Variants in EPB41L4A observed in about 807,000 individuals in gnomAD.
EPB41L4A encodes erythrocyte membrane protein band 4.1 like 4A.
A neutral mutation model predicts 108.6 loss-of-function variants in EPB41L4A; 100 were observed. The observed-to-expected ratio is 0.92, with a 90% CI of 0.78 to 1.09. EPB41L4A has a LOEUF of 1.09. Among genes scored for constraint, EPB41L4A ranks in the 50% least tolerant of loss-of-function variants. EPB41L4A has a pLI of 0.00. For synonymous variants in EPB41L4A, 319 were observed against 289.0 expected (o/e 1.10, Z -1.05); for missense variants, 1,030 against 842.7 (o/e 1.22, Z -2.75).
intron 18 of EPB41L4A, among the ~76,000 whole-genome samples, chr5:112,176,038 C>G (rs531801762): frequency 6.6e-6 from 1 of 152,250 alleles, no homozygotes; most frequent in South Asian, 2.1e-4. Context: ...CTCTTCATTT[C>G]TCACCACCTC....
chr5:112,289,296 T>C (rs1753494945), intron 2 of EPB41L4A, among the ~76,000 whole-genome samples: 1 of 152,144 alleles, frequency 6.6e-6, no homozygotes, highest in South Asian at 2.1e-4. Flanking sequence ...AGCAACTTCA[T>C]AATATTTGCA....
At chr5:112,154,137 C>T (rs1759569268) in intron 12 of EPB41L4A, among the ~76,000 whole-genome samples, 1 of 152,076 alleles carries the variant, frequency 6.6e-6, no homozygotes, top group Non-Finnish European at 1.5e-5. Flanking sequence ...TATAAACTGG[C>T]TAATTTAAAC....
chr5:112,208,855 T>A (rs1039339848), intron 13 of EPB41L4A, among the ~76,000 whole-genome samples: 2 of 152,196 alleles, frequency 1.3e-5, no homozygotes, highest in Non-Finnish European at 2.9e-5. Flanking sequence ...ACCCTGTACA[T>A]ACAGATGAAG....
intron 1 of EPB41L4A, among the ~76,000 whole-genome samples, chr5:112,394,319 A>G (rs888544377): frequency 4.2e-4 from 64 of 152,296 alleles, no homozygotes; most frequent in African/African-American, 1.4e-3. Context: ...TGCAGATGAC[A>G]TGATTGTATA....
At chr5:112,406,611 G>A (rs1194886272) in intron 1 of EPB41L4A, among the ~76,000 whole-genome samples, 3 of 152,074 alleles carry the variant, frequency 2.0e-5, no homozygotes, top group African/African-American at 7.2e-5. Flanking sequence ...AGAGGCCTGA[G>A]ATGGCTTAAT....
intron 18 of EPB41L4A, among the ~76,000 whole-genome samples, chr5:112,181,057 T>C (rs1761120887): frequency 1.3e-5 from 2 of 152,178 alleles, no homozygotes; most frequent in Non-Finnish European, 1.5e-5. Flanking sequence ...CAAACTCAAA[T>C]ACTAACAAGA....
intron 13 of EPB41L4A, chr5:112,143,914 C>G (rs1199573902): frequency 4.4e-6 from 2 of 453,028 alleles, no homozygotes; most frequent in Admixed American, 4.7e-5. Context: ...GAAATGTGCT[C>G]AGTTGCCAAA....
chr5:112,400,629 G>T (rs965315822), intron 1 of EPB41L4A, among the ~76,000 whole-genome samples: 1 of 152,110 alleles, frequency 6.6e-6, no homozygotes, highest in Non-Finnish European at 1.5e-5. Context: ...ACAGGACCAA[G>T]CCATGAGGGA....
chr5:112,289,675 G>T (rs2150530847), intron 2 of EPB41L4A, among the ~76,000 whole-genome samples: 1 of 152,308 alleles, frequency 6.6e-6, no homozygotes, highest in South Asian at 2.1e-4. Flanking sequence ...TCCATCCCCA[G>T]TTGAAGCCCC....
chr5:112,184,817 A>G (rs1352427103), intron 17 of EPB41L4A, among the ~76,000 whole-genome samples: 1 of 152,218 alleles, frequency 6.6e-6, no homozygotes, highest in Non-Finnish European at 1.5e-5. Flanking sequence ...TAAGATCACA[A>G]GACAGTGTTA....
At chr5:112,258,192 G>C (rs563185202) in intron 9 of EPB41L4A, among the ~76,000 whole-genome samples, 2 of 152,348 alleles carry the variant, frequency 1.3e-5, no homozygotes, top group Non-Finnish European at 2.9e-5. Context: ...ACAAAGAGTA[G>C]CATCAGGTTT....
In EPB41L4A at chr5:112,419,033, A is replaced by C; in HGVS notation, c.7T>G (p.Cys3Gly). 1 of 1,613,136 alleles carries C rather than the reference A, an allele frequency of 6.2e-7. No homozygotes were observed. Among genetic ancestry groups the C allele is most frequent in the East Asian group, 2.2e-5 (1 of 44,776 alleles). The change falls in exon 1 of 23, where the codon TGT becomes GGT. Residue 3 changes from cysteine to glycine, a missense_variant. By Grantham distance (159) the Cys-to-Gly change is radical (BLOSUM62 -3). Coordinates refer to ENST00000261486, the MANE Select transcript of EPB41L4A (RefSeq NM_022140.5). ...AATTCTTCCGGAACAGCGCAGAAAC[A>C]GCCCATGTCGGTTGTGGTCGTCTCC... MG[C>G]FCAVPEEFYC...
chr5:112,247,368 G>A (rs2150400179), intron 9 of EPB41L4A, among the ~76,000 whole-genome samples: 1 of 152,222 alleles, frequency 6.6e-6, no homozygotes, highest in South Asian at 2.1e-4. Context: ...TTAAGGTAAA[G>A]ATCAGACCAG....
At chr5:112,174,886 G>A (rs1350176876) in intron 18 of EPB41L4A, among the ~76,000 whole-genome samples, 1 of 152,052 alleles carries the variant, frequency 6.6e-6, no homozygotes, top group Non-Finnish European at 1.5e-5. Flanking sequence ...AAATATCCCA[G>A]TCATTCTTTG....
intron 2 of EPB41L4A, among the ~76,000 whole-genome samples, chr5:112,281,946 C>CT (rs996917643): frequency 2.4e-4 from 37 of 151,584 alleles, no homozygotes; most frequent in African/African-American, 7.5e-4. Context: ...CATTTTTTGA[C>CT]TTTTTTTTAA....
chr5:112,165,679 T>A (rs138514678), intron 22 of EPB41L4A, among the ~76,000 whole-genome samples: 56 of 152,260 alleles, frequency 3.7e-4, no homozygotes, highest in East Asian at 1.2e-3. Flanking sequence ...AACTACTACT[T>A]CTTATGCGAA....
At chr5:112,282,703 G>A (rs539038935) in intron 2 of EPB41L4A, among the ~76,000 whole-genome samples, 1 of 152,224 alleles carries the variant, frequency 6.6e-6, no homozygotes, top group African/African-American at 2.4e-5. Context: ...TTAATTTCAC[G>A]CCCTACGCTA....
At chr5:112,256,932 A>T (rs957091099) in intron 9 of EPB41L4A, 8 of 152,214 alleles carry the variant, frequency 5.3e-5, no homozygotes, top group Non-Finnish European at 1.0e-4. Flanking sequence ...TTTGTAAAAA[A>T]TTATGTAAAC....
chr5:112,400,321 G>A (rs539392200), intron 1 of EPB41L4A, among the ~76,000 whole-genome samples: 9 of 151,524 alleles, frequency 5.9e-5, no homozygotes, highest in Admixed American at 2.6e-4. Flanking sequence ...CCCAAAACAC[G>A]TGGGGATTAC....
Sources: gnomAD v4.1 joint callset for allele counts (sites outside exome capture counted in the v4.1 genomes callset) on GRCh38, gnomAD v4.1.1 for gene constraint, MANE v1.5 for transcripts, NCBI Gene and HGNC (gene_info 2026-07-23, HGNC 2026-07-21) for gene names.